The following PREP variants were observed in gnomAD, a reference collection of about 807,000 sequenced individuals.
The protein encoded by PREP is prolyl endopeptidase, also known as dJ355L5.1 (prolyl endopeptidase).
In PREP, 29 loss-of-function variants were observed where a neutral mutation model predicts 87.6. The ratio of observed to expected loss-of-function variants is 0.33; its 90% CI spans 0.25 to 0.45. The LOEUF (loss-of-function observed/expected upper bound fraction) is 0.45. Ranked by LOEUF, PREP falls within the 20% of genes least tolerant of loss-of-function variation. PREP has a pLI of 1.00. For missense variants in PREP, 695 were observed against 886.5 expected (o/e 0.78, Z 2.74); for synonymous variants, 337 against 328.6 (o/e 1.03, Z -0.28).
Position 105,366,127 on chromosome 6 carries a change from T to C in PREP, c.717+2776A>G, listed in dbSNP as rs373409659. On this transcript the variant is annotated intron_variant, in intron 6 of 14. Coordinates refer to ENST00000652536, the MANE Select transcript of PREP (RefSeq NM_002726.5). ...AAAATTATCCCGGCGTGGTGGTCCA[T>C]GCCTGTGTAATCCCAGCTACTCAGG... 6.0e-4 allele frequency among the ~76,000 whole-genome samples: 91 copies of C among 152,216 alleles called. 2 individuals carry two copies. The East Asian group carries it at 0.015, about 25-fold the overall frequency.
rs769399174 is a variant in PREP, at chr6:105,333,357, A to G, written c.972T>C (p.Ser324=). The G allele has an allele frequency of 1.2e-5, 20 of 1,614,226 alleles. No individual in the cohort carries two copies. In the South Asian group the frequency reaches 2.1e-4, roughly 17 times the overall value. The change falls in exon 8 of 15, where the codon TCT becomes TCC. Residue 324 remains serine (S), a synonymous_variant. Transcript: ENST00000652536. The part of the protein sequence containing the change: ...INIDFRDPEE[S]KWKVLVPEHE... ...GCTCAGGAACAAGTACTTTCCACTT[A>G]GACTCTTCAGGATCCCTGAAGTCAA...
intron 2 of PREP, among the ~76,000 whole-genome samples, chr6:105,385,297 A>AG (rs1007130103): frequency 6.6e-6 from 1 of 151,320 alleles, no homozygotes; most frequent in Admixed American, 6.6e-5. Context: ...AAAAAAAAAA[A>AG]AAAAAGAAAA....
At chr6:105,361,351 G>A (rs1772242493) in intron 6 of PREP, among the ~76,000 whole-genome samples, 1 of 152,004 alleles carries the variant, frequency 6.6e-6, no homozygotes, top group Admixed American at 6.6e-5. Flanking sequence ...AAACTCAAAA[G>A]CTATTTTATG....
At chr6:105,338,882 C>T (rs937172587) in intron 7 of PREP, among the ~76,000 whole-genome samples, 1 of 152,220 alleles carries the variant, frequency 6.6e-6, no homozygotes, top group Non-Finnish European at 1.5e-5. Flanking sequence ...GTAAACAAAG[C>T]GGCTGGGTAA....
intron 3 of PREP, among the ~76,000 whole-genome samples, chr6:105,376,770 A>G (rs1246992841): frequency 6.6e-6 from 1 of 152,170 alleles, no homozygotes; most frequent in Non-Finnish European, 1.5e-5. Flanking sequence ...CAATACGTAA[A>G]CCGATAAGCA....
At chr6:105,286,276 G>A (rs184391679) in intron 11 of PREP, among the ~76,000 whole-genome samples, 1 of 152,212 alleles carries the variant, frequency 6.6e-6, no homozygotes, top group East Asian at 1.9e-4. Flanking sequence ...ACTGTTTTAA[G>A]TTGGAAAAAA....
At chr6:105,341,160 A>C (rs1771637468) in intron 7 of PREP, among the ~76,000 whole-genome samples, 2 of 152,254 alleles carry the variant, frequency 1.3e-5, no homozygotes, top group South Asian at 4.1e-4. Context: ...CAGCAAATGT[A>C]AAAGAACAGA....
intron 2 of PREP, among the ~76,000 whole-genome samples, chr6:105,389,668 G>A (rs1773087501): frequency 6.6e-6 from 1 of 151,986 alleles, no homozygotes; most frequent in Non-Finnish European, 1.5e-5. Flanking sequence ...CACCCCAATG[G>A]CTCTGAAAAC....
intron 2 of PREP, among the ~76,000 whole-genome samples, chr6:105,385,054 C>T (rs529611676): frequency 6.6e-6 from 1 of 152,118 alleles, no homozygotes; most frequent in African/African-American, 2.4e-5. Context: ...GTTTTCTGAA[C>T]GAGATGAGAC....
intron 7 of PREP, among the ~76,000 whole-genome samples, chr6:105,334,537 G>C (rs191037235): frequency 3.3e-5 from 5 of 152,090 alleles, no homozygotes; most frequent in African/African-American, 1.2e-4. Flanking sequence ...TGGCCAACAC[G>C]GTGAAACCCT....
At chr6:105,320,772 A>G (rs922445563) in intron 10 of PREP, among the ~76,000 whole-genome samples, 2 of 152,234 alleles carry the variant, frequency 1.3e-5, no homozygotes, top group Non-Finnish European at 2.9e-5. Flanking sequence ...TGGAATCAAA[A>G]GTAACATTAT....
chr6:105,325,584 A>G (rs1418319567), intron 9 of PREP, among the ~76,000 whole-genome samples: 5 of 152,234 alleles, frequency 3.3e-5, no homozygotes, highest in Admixed American at 1.3e-4. Flanking sequence ...CAGAAGTGGT[A>G]CCTTGAAGGA....
intron 10 of PREP, among the ~76,000 whole-genome samples, chr6:105,313,709 G>A (rs1770805055): frequency 1.3e-5 from 2 of 152,110 alleles, no homozygotes; most frequent in Non-Finnish European, 2.9e-5. Context: ...CCGCACAAGG[G>A]GCAGAGGTCT....
chr6:105,393,825 A>G (rs986962879), intron 2 of PREP, among the ~76,000 whole-genome samples: 4 of 152,196 alleles, frequency 2.6e-5, no homozygotes, highest in African/African-American at 7.2e-5. Context: ...ATACTAGATT[A>G]AATCGAAACT....
chr6:105,366,200 T>TGAGC lies in PREP; in HGVS notation c.717+2702_717+2703insGCTC, dbSNP rs58132965. 3.2e-3 allele frequency among the ~76,000 whole-genome samples: 493 copies of TGAGC among 152,038 alleles called. 1 individual carries two copies. Among genetic ancestry groups the TGAGC allele is most frequent in the African/African-American group, 0.011 (446 of 41,472 alleles). ...TGAACCCGGGAGGTGGAGGTTGGAG[T>TGAGC]CAGCCGAGACTGAGCCACCACACTC... is the stretch of plus-strand genomic sequence containing the variant. On this transcript the variant is annotated intron_variant, in intron 6 of 14. Coordinates refer to ENST00000652536, the MANE Select transcript of PREP (RefSeq NM_002726.5).
At chr6:105,307,046 C>G (rs1770671638) in intron 10 of PREP, among the ~76,000 whole-genome samples, 1 of 152,150 alleles carries the variant, frequency 6.6e-6, no homozygotes, top group South Asian at 2.1e-4. Flanking sequence ...ACAAGCTGAC[C>G]AATAAAAAAG....
chr6:105,348,323 AG>A (rs1456734485), intron 7 of PREP, among the ~76,000 whole-genome samples: 1 of 152,182 alleles, frequency 6.6e-6, no homozygotes, highest in Admixed American at 6.5e-5. Context: ...TTACAGAGGG[AG>A]GGGGGCTTAT....
At chr6:105,349,173 G>A (rs1176056331) in intron 7 of PREP, among the ~76,000 whole-genome samples, 1 of 152,188 alleles carries the variant, frequency 6.6e-6, no homozygotes, top group Non-Finnish European at 1.5e-5. Flanking sequence ...AGCCTCAACT[G>A]CAGTTACTGG....
chr6:105,328,974 G>A lies in PREP; in HGVS notation c.1068C>T (p.Asp356=), dbSNP rs368883037. The A allele has an allele frequency of 4.9e-5, 79 of 1,614,002 alleles. No individual in the cohort carries two copies. Among genetic ancestry groups the A allele is most frequent in the Non-Finnish European group, 5.9e-5 (70 of 1,180,002 alleles). The change falls in exon 9 of 15, where the codon GAC becomes GAT. Residue 356 remains aspartate (D), a synonymous_variant. Coordinates refer to ENST00000652536, the MANE Select transcript of PREP (RefSeq NM_002726.5). ...CATGGAGCTGCAGAATGTTCTTGAC[G>A]TCATGGAGGTAGCATAAGACCAAGA... ...SNFLVLCYLH[D]VKNILQLHDL... is the part of the protein sequence containing the mutation.
Sources: gnomAD v4.1 joint callset for allele counts (sites outside exome capture counted in the v4.1 genomes callset) on GRCh38, gnomAD v4.1.1 for gene constraint, MANE v1.5 for transcripts, NCBI Gene and HGNC (gene_info 2026-07-23, HGNC 2026-07-21) for gene names.